Variants in UBTD1 observed in about 807,000 individuals in gnomAD.
UBTD1 encodes ubiquitin domain-containing protein 1.
In UBTD1, 19 loss-of-function variants were observed where a neutral mutation model predicts 21.7. That is an observed-to-expected ratio of 0.87 (90% CI 0.61 to 1.28). The LOEUF is 1.28. UBTD1 is among the 50% of genes most tolerant of loss of function. UBTD1 has a pLI of 0.00. For synonymous variants in UBTD1, 116 were observed against 135.1 expected, an observed-to-expected ratio of 0.86 and a Z score of 0.98; for missense variants, 282 against 315.1, an observed-to-expected ratio of 0.89 and a Z score of 0.80.
At chr10:97,527,647 A>C (rs1380284242) in intron 1 of UBTD1, among the ~76,000 whole-genome samples, 1 of 151,994 alleles carries the variant, frequency 6.6e-6, no homozygotes, top group Admixed American at 6.6e-5. Flanking sequence ...GGGAGTGGTG[A>C]TGACTCTTAA....
intron 1 of UBTD1, among the ~76,000 whole-genome samples, chr10:97,527,030 G>T (rs1448306392): frequency 6.7e-6 from 1 of 150,014 alleles, no homozygotes; most frequent in Non-Finnish European, 1.5e-5. Flanking sequence ...AATTAACCAG[G>T]CGTGGTGACA....
intron 1 of UBTD1, among the ~76,000 whole-genome samples, chr10:97,561,454 C>A (rs1402252099): frequency 6.6e-6 from 1 of 152,084 alleles, no homozygotes; most frequent in Non-Finnish European, 1.5e-5. Context: ...AATTTCTGTC[C>A]CTTTTAAGGG....
chr10:97,522,717 T>A (rs1055891769), intron 1 of UBTD1, among the ~76,000 whole-genome samples: 3 of 152,216 alleles, frequency 2.0e-5, no homozygotes, highest in Non-Finnish European at 4.4e-5. Context: ...TTAGCTTCCT[T>A]TCTCTTTAGA....
At chr10:97,555,546 A>G (rs1174925543) in intron 1 of UBTD1, among the ~76,000 whole-genome samples, 1 of 152,206 alleles carries the variant, frequency 6.6e-6, no homozygotes, top group Non-Finnish European at 1.5e-5. Context: ...AGCATCGGCA[A>G]GCTACTGCCT....
chr10:97,537,916 C>G (rs2040570794), intron 1 of UBTD1, among the ~76,000 whole-genome samples: 2 of 151,130 alleles, frequency 1.3e-5, no homozygotes, highest in African/African-American at 4.9e-5. Flanking sequence ...ACCTCTACCT[C>G]CCAGGTTCAA....
At chr10:97,507,809 C>G (rs1386020275) in intron 1 of UBTD1, among the ~76,000 whole-genome samples, 1 of 146,878 alleles carries the variant, frequency 6.8e-6, no homozygotes, top group Non-Finnish European at 1.5e-5. Flanking sequence ...AAGAGAGGAA[C>G]CTGGCAGGAA....
chr10:97,537,562 G>C (rs985007498), intron 1 of UBTD1, among the ~76,000 whole-genome samples: 1 of 152,148 alleles, frequency 6.6e-6, no homozygotes, highest in Non-Finnish European at 1.5e-5. Context: ...TCCAGCAGCA[G>C]CAGAGGCCAA....
intron 1 of UBTD1, among the ~76,000 whole-genome samples, chr10:97,567,473 A>G (rs978713389): frequency 6.6e-6 from 1 of 150,788 alleles, no homozygotes; most frequent in Non-Finnish European, 1.5e-5. Flanking sequence ...AGCCTGACTA[A>G]CATGGTGAAA....
intron 1 of UBTD1, among the ~76,000 whole-genome samples, chr10:97,502,079 A>T (rs928827560): frequency 6.6e-6 from 1 of 152,188 alleles, no homozygotes; most frequent in Non-Finnish European, 1.5e-5. Context: ...GCACACACAC[A>T]CATTCAGCAC....
chr10:97,538,476 G>A (rs1199730256), intron 1 of UBTD1, among the ~76,000 whole-genome samples: 4 of 152,120 alleles, frequency 2.6e-5, no homozygotes, highest in Admixed American at 2.0e-4. Flanking sequence ...TCAAAATAGT[G>A]AGCATGAACA....
intron 1 of UBTD1, among the ~76,000 whole-genome samples, chr10:97,555,469 C>A (rs2040659520): frequency 6.6e-6 from 1 of 152,120 alleles, no homozygotes; most frequent in African/African-American, 2.4e-5. Context: ...CCCAGTGTAG[C>A]AGGACGAGCC....
In UBTD1 at chr10:97,570,435, C is replaced by G. The variant is rs2040740997; in HGVS notation, c.596C>G (p.Thr199Arg). Reference sequence around the variant, plus strand: ...TGGTTCTTCTCCGGGAAGCTGCTCACAGACCGCACACGGCTCCAGGAGACC... The same window carrying G: ...TGGTTCTTCTCCGGGAAGCTGCTCAGAGACCGCACACGGCTCCAGGAGACC... ...QRWFFSGKLL[T>R]DRTRLQETKI... Residue 199 changes from threonine to arginine, a missense_variant, in exon 3 of 3, where the codon ACA (threonine) becomes AGA (arginine). Physicochemically the swap from Thr to Arg is moderately conservative, Grantham distance 71. Transcript: ENST00000370664. This position sits in a 1 kb window ranked among gnomAD's most constrained non-coding sequence, Gnocchi z 6.6. The G allele has an allele frequency of 6.2e-7, 1 of 1,613,240 alleles. No homozygotes were observed. Among genetic ancestry groups the G allele is most frequent in the African/African-American group, 1.3e-5 (1 of 74,936 alleles).
intron 1 of UBTD1, among the ~76,000 whole-genome samples, chr10:97,530,863 T>C (rs7906491): frequency 0.22 from 32,811 of 151,770 alleles, 3,913 homozygotes; most frequent in Non-Finnish European, 0.27. Context: ...TATATAATTT[T>C]TATTTTAAAA....
intron 1 of UBTD1, among the ~76,000 whole-genome samples, chr10:97,566,031 G>T (rs976445997): frequency 6.6e-6 from 1 of 152,050 alleles, no homozygotes; most frequent in African/African-American, 2.4e-5. Context: ...TTAATTTTTA[G>T]AAGTTCTATA....
intron 1 of UBTD1, among the ~76,000 whole-genome samples, chr10:97,537,492 CT>C (rs1382036941): frequency 6.6e-6 from 1 of 152,226 alleles, no homozygotes; most frequent in Non-Finnish European, 1.5e-5. Context: ...CTCACCTCCC[CT>C]GTCACCCTCA....
At chr10:97,552,826 C>CGCA (rs2040646647) in intron 1 of UBTD1, among the ~76,000 whole-genome samples, 1 of 152,182 alleles carries the variant, frequency 6.6e-6, no homozygotes, top group African/African-American at 2.4e-5. Context: ...GAGTGGCTGC[C>CGCA]GCTGATGCCT....
chr10:97,499,496 C>T (rs1281460254), intron 1 of UBTD1, among the ~76,000 whole-genome samples: 1 of 152,228 alleles, frequency 6.6e-6, no homozygotes, highest in African/African-American at 2.4e-5. Flanking sequence ...CAACTCTCTC[C>T]AACTGGGTAG....
In UBTD1 at chr10:97,570,169, C is replaced by G; in HGVS notation, c.330C>G (p.Gly110=). Residue 110 remains glycine, a synonymous_variant, in exon 3 of 3, where the codon GGC becomes GGG. Transcript: ENST00000370664. This position sits in a 1 kb window ranked among gnomAD's most constrained non-coding sequence, Gnocchi z 6.6. ...TCTGTGAATGCTACGATGAGCTGGG[C>G]AATCGCTACCAGCTGCCCATCTACT... is the stretch of plus-strand genomic sequence containing the variant. ...GTLCECYDEL[G]NRYQLPIYCL... 2 of 1,612,082 alleles carry G rather than the reference C, an allele frequency of 1.2e-6. No homozygotes were observed. The highest frequency in any genetic ancestry group is 1.7e-6 in the Non-Finnish European group (2 of 1,179,232).
chr10:97,567,408 C>G (rs1208660265), intron 1 of UBTD1, among the ~76,000 whole-genome samples: 1 of 142,912 alleles, frequency 7.0e-6, no homozygotes, highest in Non-Finnish European at 1.5e-5. Flanking sequence ...CGCCTGTAAT[C>G]CCAGTACTTC....
Sources: gnomAD v4.1 joint callset for allele counts (sites outside exome capture counted in the v4.1 genomes callset) on GRCh38, gnomAD v4.1.1 for gene constraint, Gnocchi (gnomAD v3.1) non-coding constraint, MANE v1.5 for transcripts, NCBI Gene and HGNC (gene_info 2026-07-23, HGNC 2026-07-21) for gene names.